The following DYNLT3 variants were observed in gnomAD, a reference collection of about 807,000 sequenced individuals.
The protein encoded by DYNLT3 is protein 91/23.
In DYNLT3, 4 loss-of-function variants were observed where a neutral mutation model predicts 11.0. The observed-to-expected ratio is 0.36, with a 90% CI of 0.18 to 0.83. The LOEUF (loss-of-function observed/expected upper bound fraction) is 0.83. DYNLT3 is among the 40% of genes least tolerant of loss of function. The probability of loss-of-function intolerance (pLI) is 0.47; values close to 1 mark genes in which losing one functional copy is unlikely to be tolerated. For synonymous variants in DYNLT3, 37 were observed against 31.2 expected, an observed-to-expected ratio of 1.18 and a Z score of -0.61; for missense variants, 91 against 91.1, an observed-to-expected ratio of 1.00 and a Z score of 0.01.
At position 37,840,463 on chromosome X, in the gene DYNLT3, G is replaced by T; in HGVS notation, c.*112C>A. 1.7e-6 allele frequency: 1 copy of T among 603,396 alleles called. No individual in the cohort carries two copies. Among genetic ancestry groups the T allele is most frequent in the Non-Finnish European group, 2.4e-6 (1 of 414,805 alleles). 49.7% of individuals were successfully genotyped at this position (603,396 alleles called of 1,213,427 possible). On this transcript the variant is annotated 3_prime_UTR_variant, in exon 5 of 5. Transcript: ENST00000378578. ...TTCAGTTTTTGTTGATAGCTTTAAA[G>T]CATATTGCACGCTTTTCATCTAGCA...
In DYNLT3 at chrX:37,844,548, C is replaced by T. The variant is rs759905615; in HGVS notation, c.72+1769G>A. Among the ~76,000 whole-genome samples the T allele has an allele frequency of 6.2e-5, 7 of 112,323 alleles. No homozygotes were observed. The South Asian group carries it at 1.1e-3, about 18-fold the overall frequency. On this transcript the variant is annotated intron_variant, in intron 2 of 4. Coordinates refer to ENST00000378578, the MANE Select transcript of DYNLT3 (RefSeq NM_006520.3). ...CCCTTCTCTCAATATAGTGAAATCA[C>T]GATTTTTTAACTTAAATATATTTAC...
At chrX:37,846,258 G>T in intron 2 of DYNLT3, 59 bp downstream of exon 2, 1 of 1,100,620 alleles carries the variant, frequency 9.1e-7, no homozygotes, top group Non-Finnish European at 1.2e-6. Context: ...TCAAAATATA[G>T]CTTTTAAAAA....
At chrX:37,843,670 C>G (rs1930213537) in intron 2 of DYNLT3, among the ~76,000 whole-genome samples, 1 of 111,795 alleles carries the variant, frequency 8.9e-6, no homozygotes, top group Admixed American at 9.5e-5. Context: ...TTTGGGGAAG[C>G]AATTTCTATT....
chrX:37,840,938 T>C, intron 4 of DYNLT3, 90 bp downstream of exon 4: 2 of 936,520 alleles, frequency 2.1e-6, no homozygotes, highest in Non-Finnish European at 3.0e-6. Flanking sequence ...TTTCAGAATT[T>C]AATCAGAATT....
chrX:37,841,955 A>G (rs5964203), intron 2 of DYNLT3, 50 bp from the exon 3 acceptor site: 198,262 of 1,026,135 alleles, frequency 0.19, 18,891 homozygotes, highest in African/African-American at 0.56. Flanking sequence ...TTGTTCAAAA[A>G]GAACAATTTT....
intron 2 of DYNLT3, among the ~76,000 whole-genome samples, chrX:37,846,080 A>G (rs1233483764): frequency 1.8e-5 from 2 of 112,146 alleles, no homozygotes; most frequent in Non-Finnish European, 3.8e-5. Flanking sequence ...CTGAGACAGG[A>G]GAATTGCTTG....
chrX:37,842,606 G>C lies in DYNLT3; in HGVS notation c.73-701C>G, dbSNP rs140668708. On this transcript the variant is annotated intron_variant, in intron 2 of 4. Transcript: ENST00000378578. ...CACCTGATTAAAAGCACTGGCTCTA[G>C]TATCACAATCCTAGGTTTTAAGGCC... 2.8e-4 allele frequency among the ~76,000 whole-genome samples: 31 copies of C among 111,663 alleles called. No individual in the cohort carries two copies. In the East Asian group the frequency reaches 6.2e-3, roughly 22 times the overall value.
chrX:37,846,277 A>G, intron 2 of DYNLT3, 40 bp downstream of exon 2: 1 of 1,180,556 alleles, frequency 8.5e-7, no homozygotes, highest in Non-Finnish European at 1.1e-6. Context: ...AATCTCCACC[A>G]GTGCAGCAAG....
chrX:37,844,479 CCTA>C (rs1930230919), intron 2 of DYNLT3, among the ~76,000 whole-genome samples: 1 of 112,370 alleles, frequency 8.9e-6, no homozygotes, highest in South Asian at 3.7e-4. Flanking sequence ...CCATGTAACT[CCTA>C]CTATGATAGA....
In DYNLT3 at chrX:37,840,568, T is replaced by C. The variant is rs1355605224; in HGVS notation, c.*7A>G. ...GTTAATGGCTTTAGCCCAACATTTT[T>C]AGTCAGTTAAAGAACAATAGCAATG... On this transcript the variant is annotated 3_prime_UTR_variant, in exon 5 of 5. Transcript: ENST00000378578. The C allele has an allele frequency of 8.4e-7, 1 of 1,189,972 alleles. No individual in the cohort carries two copies. The highest frequency in any genetic ancestry group is 1.9e-5 in the South Asian group (1 of 52,366).
rs1272121318 is a variant in DYNLT3, at chrX:37,840,385, G to A, written c.*190C>T. The A allele has an allele frequency of 6.3e-6, 2 of 319,169 alleles. No homozygotes were observed. The highest frequency in any genetic ancestry group is 5.5e-6 in the Non-Finnish European group (1 of 180,421). 26.3% of individuals were successfully genotyped at this position (319,169 alleles called of 1,213,427 possible). A position where few individuals can be genotyped will look rare whatever the true frequency, so the allele number is the denominator to read the frequency against. On this transcript the variant is annotated 3_prime_UTR_variant, in exon 5 of 5. Transcript: ENST00000378578. ...AAATTTTTCCTATTTAAACGATGCT[G>A]TATAGAATATGAGCTAATCTGCCAA...
chrX:37,847,259 C>T (rs1166436483), intron 1 of DYNLT3: 1 of 923,190 alleles, frequency 1.1e-6, no homozygotes, highest in Admixed American at 4.0e-5. Context: ...ACCGTCTGAT[C>T]CGCGCGCTCC....
At chrX:37,842,153 T>A (rs1394243966) in intron 2 of DYNLT3, among the ~76,000 whole-genome samples, 1 of 111,444 alleles carries the variant, frequency 9.0e-6, no homozygotes, top group African/African-American at 3.3e-5. Flanking sequence ...AAGATAAATA[T>A]GTCATGGCTT....
intron 4 of DYNLT3, 110 bp from the exon 5 acceptor site, chrX:37,840,761 C>CACACACACACACACATATACACACACAA (rs1930133803): frequency 3.8e-6 from 1 of 261,630 alleles, no homozygotes; most frequent in Admixed American, 7.3e-5. Context: ...TACACACACA[C>CACACACACACACACATATACACACACAA]ACACACACAC....
At chrX:37,840,789 C>CATAT (rs747173927) in intron 4 of DYNLT3, 138 bp from the exon 5 acceptor site, 62 of 247,005 alleles carry the variant, frequency 2.5e-4, no homozygotes, top group Middle Eastern at 1.1e-3. Flanking sequence ...CACACACACA[C>CATAT]ATATATATAT....
At chrX:37,847,162 C>T in intron 1 of DYNLT3, 1 of 1,132,338 alleles carries the variant, frequency 8.8e-7, no homozygotes, top group Non-Finnish European at 1.2e-6. Flanking sequence ...TTTCGAGGCC[C>T]GCCCGGTAGG....
At chrX:37,847,007 T>C (rs749794705) in intron 1 of DYNLT3, 93 of 1,163,809 alleles carry the variant, frequency 8.0e-5, no homozygotes, top group Non-Finnish European at 1.0e-4. Flanking sequence ...TCGTAATCCA[T>C]AAAGCACCTC....
At position 37,841,910 on chromosome X, in the gene DYNLT3, A is replaced by G; in HGVS notation, c.73-5T>C. The G allele has an allele frequency of 9.1e-7, 1 of 1,103,576 alleles. No individual in the cohort carries two copies. The highest frequency in any genetic ancestry group is 1.2e-6 in the Non-Finnish European group (1 of 828,007). The allele number at this position is 1,103,576 out of a possible 1,213,427, so 90.9% of individuals were successfully genotyped here. Reference sequence around the variant, plus strand: ...ACCTAAAACCCCATCTACACACTAAAAGGGCACAGAGGGCAGTTAATTTAG... The same window carrying G: ...ACCTAAAACCCCATCTACACACTAAGAGGGCACAGAGGGCAGTTAATTTAG... On this transcript the variant is annotated splice_region_variant and splice_polypyrimidine_tract_variant and intron_variant, in intron 2 of 4. Coordinates refer to ENST00000378578, the MANE Select transcript of DYNLT3 (RefSeq NM_006520.3).
chrX:37,840,779 C>G (rs188777044), intron 4 of DYNLT3, 128 bp from the exon 5 acceptor site: 221 of 391,074 alleles, frequency 5.7e-4, no homozygotes, highest in Non-Finnish European at 8.0e-4. Context: ...CACACACACA[C>G]ACACACACAC....
Sources: gnomAD v4.1 joint callset for allele counts (sites outside exome capture counted in the v4.1 genomes callset) on GRCh38, gnomAD v4.1.1 for gene constraint, MANE v1.5 for transcripts, NCBI Gene and HGNC (gene_info 2026-07-23, HGNC 2026-07-21) for gene names.